Variants in DPP6 observed in about 807,000 individuals in gnomAD.
DPP6 encodes the protein dipeptidyl peptidase like 6.
In DPP6, 69 loss-of-function variants were observed where a neutral mutation model predicts 122.6. That is an observed-to-expected ratio of 0.56 (90% CI 0.46 to 0.69). The LOEUF (loss-of-function observed/expected upper bound fraction) is 0.69, where lower values mean the gene tolerates loss of function less well. Ranked by LOEUF, DPP6 falls within the 30% of genes least tolerant of loss-of-function variation. DPP6 has a pLI of 0.00. For synonymous variants in DPP6, 418 were observed against 433.1 expected (o/e 0.97, Z 0.43); for missense variants, 928 against 1,116.9 (o/e 0.83, Z 2.41).
At chr7:154,425,593 T>TG (rs1193885134) in intron 1 of DPP6, among the ~76,000 whole-genome samples, 10 of 86,010 alleles carry the variant, frequency 1.2e-4, no homozygotes, top group South Asian at 5.6e-4. Flanking sequence ...TAGGTTAGTT[T>TG]GGGGAAAAAA....
chr7:154,343,652 C>T (rs1455917899), intron 1 of DPP6, among the ~76,000 whole-genome samples: 1 of 152,242 alleles, frequency 6.6e-6, no homozygotes, highest in African/African-American at 2.4e-5. Flanking sequence ...GCGATCTCGG[C>T]TCACTGCACC....
At chr7:154,768,265 C>T (rs528982742) in intron 8 of DPP6, among the ~76,000 whole-genome samples, 1 of 152,368 alleles carries the variant, frequency 6.6e-6, no homozygotes, top group Non-Finnish European at 1.5e-5. Context: ...TGCTTCTTCC[C>T]TGTCTGGGAC....
intron 1 of DPP6, among the ~76,000 whole-genome samples, chr7:154,067,930 G>T (rs112888129): frequency 1.5e-5 from 2 of 132,988 alleles, no homozygotes; most frequent in Admixed American, 6.9e-5. Context: ...TTGTTTGTTT[G>T]TTTGTTTTTT....
At chr7:154,184,646 C>G (rs1798264453) in intron 1 of DPP6, among the ~76,000 whole-genome samples, 4 of 149,002 alleles carry the variant, frequency 2.7e-5, no homozygotes, top group Admixed American at 2.7e-4. Context: ...GGATACAAAT[C>G]AACTTACTGA....
chr7:154,058,469 C>G (rs1237735343), intron 1 of DPP6: 2 of 140,250 alleles, frequency 1.4e-5, no homozygotes, highest in Non-Finnish European at 3.1e-5. Flanking sequence ...GTTGGTACCC[C>G]CATCGTAGGG....
At chr7:153,900,837 G>GT (rs1563217968) in intron 1 of DPP6, among the ~76,000 whole-genome samples, 2 of 152,084 alleles carry the variant, frequency 1.3e-5, no homozygotes, top group African/African-American at 4.8e-5. Flanking sequence ...GTAGCAAAGA[G>GT]GTCTACAAGC....
intron 1 of DPP6, among the ~76,000 whole-genome samples, chr7:154,131,797 T>C (rs1258953608): frequency 2.0e-5 from 3 of 152,136 alleles, no homozygotes; most frequent in Admixed American, 2.0e-4. Context: ...AAATGTCAAA[T>C]AGAGGTGCTC....
chr7:154,087,617 C>A (rs6464383), intron 1 of DPP6, among the ~76,000 whole-genome samples: 1 of 152,006 alleles, frequency 6.6e-6, no homozygotes, highest in Non-Finnish European at 1.5e-5. Context: ...TCTCTCTGTC[C>A]GTCCCTAATC....
chr7:154,584,676 G>T (rs12719654), intron 5 of DPP6, among the ~76,000 whole-genome samples: 9,624 of 152,284 alleles, frequency 0.063, 374 homozygotes, highest in Non-Finnish European at 0.093. Flanking sequence ...CTTCTGTTAA[G>T]CTGTGCATGT....
chr7:154,113,158 A>G (rs1806717089), intron 1 of DPP6, among the ~76,000 whole-genome samples: 1 of 152,228 alleles, frequency 6.6e-6, no homozygotes. Flanking sequence ...CATTTGGGCT[A>G]TTATGAATAA....
intron 1 of DPP6, among the ~76,000 whole-genome samples, chr7:154,376,967 T>C (rs1033322193): frequency 6.6e-6 from 1 of 152,204 alleles, no homozygotes; most frequent in African/African-American, 2.4e-5. Context: ...CTGGAGGGAT[T>C]CTTAAGTTGT....
chr7:154,333,662 G>C (rs748335556), intron 1 of DPP6, among the ~76,000 whole-genome samples: 16 of 152,286 alleles, frequency 1.1e-4, no homozygotes, highest in Non-Finnish European at 2.4e-4. Flanking sequence ...AGATGCACTA[G>C]GGATGTGAAG....
chr7:154,065,560 T>C (rs987011500), intron 1 of DPP6, among the ~76,000 whole-genome samples: 3 of 151,614 alleles, frequency 2.0e-5, no homozygotes, highest in Non-Finnish European at 4.4e-5. Flanking sequence ...CCCTACTGAA[T>C]ACTACTACCT....
chr7:154,738,559 T>A (rs374407044), intron 8 of DPP6, among the ~76,000 whole-genome samples: 21 of 152,310 alleles, frequency 1.4e-4, no homozygotes, highest in Admixed American at 1.2e-3. Context: ...TTCCGACCTT[T>A]CTTAGATGAA....
At chr7:154,359,437 C>T (rs1475988748) in intron 1 of DPP6, among the ~76,000 whole-genome samples, 1 of 152,126 alleles carries the variant, frequency 6.6e-6, no homozygotes, top group East Asian at 1.9e-4. Flanking sequence ...CAGGAGCCCC[C>T]AGCCCCTGCC....
At chr7:154,665,014 T>C (rs1405276380) in intron 6 of DPP6, among the ~76,000 whole-genome samples, 3 of 152,184 alleles carry the variant, frequency 2.0e-5, no homozygotes, top group African/African-American at 7.2e-5. Context: ...CAGGACCCCA[T>C]GCTGCCTTTA....
intron 1 of DPP6, among the ~76,000 whole-genome samples, chr7:154,191,471 A>C (rs1242517857): frequency 6.6e-6 from 1 of 152,216 alleles, no homozygotes; most frequent in Non-Finnish European, 1.5e-5. Context: ...GTGCGCACAC[A>C]AGGCCTGTCA....
chr7:154,350,727 A>G (rs897261545), intron 1 of DPP6, among the ~76,000 whole-genome samples: 1 of 152,194 alleles, frequency 6.6e-6, no homozygotes, highest in Non-Finnish European at 1.5e-5. Context: ...CCACCAGTAC[A>G]CCAAAACAGC....
At chr7:154,574,650 TGTA>T (rs1485524986) in intron 5 of DPP6, among the ~76,000 whole-genome samples, 4 of 124,856 alleles carry the variant, frequency 3.2e-5, no homozygotes, top group African/African-American at 1.2e-4. Context: ...GTGTGTGTGG[TGTA>T]GTGTTTGTGT....
Sources: allele counts gnomAD v4.1 joint callset (sites outside exome capture counted in the v4.1 genomes callset), GRCh38; gene constraint gnomAD v4.1.1; transcripts MANE v1.5; gene names NCBI Gene and HGNC (gene_info 2026-07-23, HGNC 2026-07-21).